Variants in CYP7B1 observed in about 807,000 individuals in gnomAD.
CYP7B1 encodes cytochrome P450 family 7 subfamily B member 1, also known as cytochrome P450 7B1.
In CYP7B1, 29 loss-of-function variants were observed where a neutral mutation model predicts 42.7. The observed-to-expected ratio is 0.68, with a 90% CI of 0.51 to 0.93. CYP7B1 has a LOEUF of 0.93. Ranked by LOEUF, CYP7B1 falls within the 40% of genes least tolerant of loss-of-function variation. CYP7B1 has a pLI of 0.00. For missense variants in CYP7B1, 655 were observed against 600.5 expected (o/e 1.09, Z -0.95); for synonymous variants, 235 against 218.2 (o/e 1.08, Z -0.68).
intron 1 of CYP7B1, among the ~76,000 whole-genome samples, chr8:64,754,789 T>C (rs1344430182): frequency 6.6e-6 from 1 of 151,960 alleles, no homozygotes; most frequent in Non-Finnish European, 1.5e-5. Flanking sequence ...ATGTTGAGAA[T>C]TAAGGAGGAG....
chr8:64,643,192 TACAC>T (rs896274314), intron 1 of CYP7B1, among the ~76,000 whole-genome samples: 21 of 115,212 alleles, frequency 1.8e-4, no homozygotes, highest in African/African-American at 5.3e-4. Flanking sequence ...CATATATATA[TACAC>T]ACACACACAC....
intron 4 of CYP7B1, among the ~76,000 whole-genome samples, chr8:64,609,846 T>A (rs76777229): frequency 0.021 from 3,237 of 152,242 alleles, 116 homozygotes; most frequent in African/African-American, 0.072. Flanking sequence ...TCTAATGGAA[T>A]CAGAACCACT....
chr8:64,642,621 G>T (rs1049802761), intron 1 of CYP7B1, among the ~76,000 whole-genome samples: 1 of 152,166 alleles, frequency 6.6e-6, no homozygotes, highest in African/African-American at 2.4e-5. Flanking sequence ...TGATGCATCT[G>T]CAATGAACTG....
intron 1 of CYP7B1, among the ~76,000 whole-genome samples, chr8:64,672,315 T>G (rs1806378684): frequency 6.6e-6 from 1 of 152,148 alleles, no homozygotes; most frequent in Non-Finnish European, 1.5e-5. Context: ...GATTAAGGTG[T>G]TTAAGGTATG....
chr8:64,597,267 C>T (rs1021516569), intron 5 of CYP7B1, among the ~76,000 whole-genome samples: 10 of 151,986 alleles, frequency 6.6e-5, no homozygotes, highest in Middle Eastern at 3.2e-3. Flanking sequence ...TTGATTATAC[C>T]AATGTTAGGT....
At chr8:64,785,804 A>G in intron 1 of CYP7B1, among the ~76,000 whole-genome samples, 1 of 152,172 alleles carries the variant, frequency 6.6e-6, no homozygotes, top group South Asian at 2.1e-4. Context: ...TCATGCTGCT[A>G]TGAAGACATA....
chr8:64,626,891 T>C (rs969758584), intron 1 of CYP7B1, among the ~76,000 whole-genome samples: 2 of 152,228 alleles, frequency 1.3e-5, no homozygotes, highest in African/African-American at 2.4e-5. Context: ...TAATCAAAGA[T>C]CAAGATTATG....
chr8:64,759,855 C>G (rs947443806), intron 1 of CYP7B1, among the ~76,000 whole-genome samples: 3 of 152,066 alleles, frequency 2.0e-5, no homozygotes, highest in African/African-American at 7.2e-5. Flanking sequence ...AGCTGCACAT[C>G]ATGGGTAACA....
chr8:64,636,349 C>G (rs1354082150), intron 1 of CYP7B1, among the ~76,000 whole-genome samples: 1 of 151,960 alleles, frequency 6.6e-6, no homozygotes. Context: ...AAATGAATAC[C>G]CTATGGTATT....
intron 1 of CYP7B1, among the ~76,000 whole-genome samples, chr8:64,703,077 AC>A (rs1806941681): frequency 6.6e-6 from 1 of 152,034 alleles, no homozygotes; most frequent in Non-Finnish European, 1.5e-5. Flanking sequence ...TTTATGAGTG[AC>A]AAACCCTGTC....
chr8:64,733,933 G>A (rs1274116353), intron 1 of CYP7B1, among the ~76,000 whole-genome samples: 2 of 151,948 alleles, frequency 1.3e-5, no homozygotes, highest in African/African-American at 4.8e-5. Flanking sequence ...TTGTGCCCCT[G>A]CACTTCAGTG....
At chr8:64,722,057 A>T (rs1268133479) in intron 1 of CYP7B1, among the ~76,000 whole-genome samples, 3 of 152,230 alleles carry the variant, frequency 2.0e-5, no homozygotes, top group Non-Finnish European at 4.4e-5. Flanking sequence ...TGTTATCAGG[A>T]GGTTGAGCCA....
intron 1 of CYP7B1, among the ~76,000 whole-genome samples, chr8:64,640,263 T>A (rs1053188590): frequency 6.6e-6 from 1 of 152,140 alleles, no homozygotes; most frequent in Non-Finnish European, 1.5e-5. Context: ...AATTGTACAC[T>A]TAAAATGGAT....
At chr8:64,776,878 A>C (rs1245958772) in intron 1 of CYP7B1, among the ~76,000 whole-genome samples, 1 of 152,124 alleles carries the variant, frequency 6.6e-6, no homozygotes, top group Non-Finnish European at 1.5e-5. Context: ...AGGACTTGCA[A>C]AGTGCCCTTC....
At chr8:64,634,953 C>T (rs1334083592) in intron 1 of CYP7B1, among the ~76,000 whole-genome samples, 1 of 152,178 alleles carries the variant, frequency 6.6e-6, no homozygotes, top group Non-Finnish European at 1.5e-5. Context: ...TTGACAACCT[C>T]AGCAGGGAGA....
intron 1 of CYP7B1, among the ~76,000 whole-genome samples, chr8:64,707,093 A>G (rs1236627280): frequency 3.3e-5 from 5 of 152,036 alleles, no homozygotes; most frequent in Admixed American, 6.6e-5. Context: ...TCAAAAATCC[A>G]TATGTTGTGC....
At chr8:64,791,953 G>C (rs931836103) in intron 1 of CYP7B1, among the ~76,000 whole-genome samples, 3 of 152,100 alleles carry the variant, frequency 2.0e-5, no homozygotes, top group African/African-American at 7.2e-5. Flanking sequence ...ATTAAGTAAG[G>C]GGTATGGTAA....
rs1447034801 is a variant in CYP7B1, at chr8:64,591,908, G to A, written c.*4734C>T. On this transcript the variant is annotated 3_prime_UTR_variant, in exon 6 of 6. Transcript: ENST00000310193. ...AAGCTATAAAAATGAAAAGATGGGG[G>A]CGGGCACGGTGGCTCATGTCTGCAA... is the stretch of plus-strand genomic sequence containing the variant. Among the ~76,000 whole-genome samples, 2 of 151,980 alleles carry A rather than the reference G, an allele frequency of 1.3e-5. No homozygotes were observed. Among genetic ancestry groups the A allele is most frequent in the Non-Finnish European group, 2.9e-5 (2 of 67,978 alleles).
At chr8:64,629,393 T>A (rs1805656068) in intron 1 of CYP7B1, among the ~76,000 whole-genome samples, 1 of 152,200 alleles carries the variant, frequency 6.6e-6, no homozygotes, top group Non-Finnish European at 1.5e-5. Flanking sequence ...GCACACTAAC[T>A]AGAAAAAATA....
Sources: allele counts gnomAD v4.1 joint callset (sites outside exome capture counted in the v4.1 genomes callset), GRCh38; gene constraint gnomAD v4.1.1; transcripts MANE v1.5; gene names NCBI Gene and HGNC (gene_info 2026-07-23, HGNC 2026-07-21).